LIMS1: variants seen among roughly 807,000 people sequenced by gnomAD.
LIMS1 encodes the protein LIM and senescent cell antigen-like-containing domain protein 1.
A neutral mutation model predicts 44.1 loss-of-function variants in LIMS1; 18 were observed. The ratio of observed to expected loss-of-function variants is 0.41; its 90% CI spans 0.28 to 0.61. The LOEUF (loss-of-function observed/expected upper bound fraction) is 0.61, where lower values mean the gene tolerates loss of function less well. Ranked by LOEUF, LIMS1 falls within the 20% of genes least tolerant of loss-of-function variation. The probability of loss-of-function intolerance (pLI) is 0.32; values close to 1 mark genes in which losing one functional copy is unlikely to be tolerated. For missense variants in LIMS1, 201 were observed against 422.0 expected (o/e 0.48, Z 4.59); for synonymous variants, 93 against 149.1 (o/e 0.62, Z 2.74).
chr2:108,659,819 T>C, intron 2 of LIMS1, 55 bp downstream of exon 2: 1 of 1,612,088 alleles, frequency 6.2e-7, no homozygotes, highest in Non-Finnish European at 8.5e-7. Context: ...TCCCGCTTCC[T>C]GCCCTTCTTT....
chr2:108,573,540 C>T (rs1476420877), intron 1 of LIMS1, among the ~76,000 whole-genome samples: 1 of 152,170 alleles, frequency 6.6e-6, no homozygotes, highest in African/African-American at 2.4e-5. Context: ...AGCCCCACTG[C>T]AGGGATGAAT....
intron 1 of LIMS1, among the ~76,000 whole-genome samples, chr2:108,624,660 G>A (rs1036983018): frequency 2.0e-5 from 3 of 152,208 alleles, no homozygotes; most frequent in Non-Finnish European, 4.4e-5. Flanking sequence ...TGGAGGCTGA[G>A]GCAGGAGAAT....
intron 5 of LIMS1, among the ~76,000 whole-genome samples, chr2:108,674,331 A>C (rs2149002305): frequency 6.6e-6 from 1 of 152,234 alleles, no homozygotes; most frequent in East Asian, 1.9e-4. Context: ...CTCCATCTCA[A>C]AAAATAAAAA....
chr2:108,629,898 A>G (rs892166217), intron 1 of LIMS1, among the ~76,000 whole-genome samples: 16 of 152,184 alleles, frequency 1.1e-4, no homozygotes, highest in Non-Finnish European at 1.9e-4. Flanking sequence ...TCAAGATTTG[A>G]AAACCAGGTG....
At chr2:108,629,313 G>T (rs1558817289) in intron 1 of LIMS1, among the ~76,000 whole-genome samples, 4 of 152,160 alleles carry the variant, frequency 2.6e-5, no homozygotes. Flanking sequence ...TTCCAAAAAA[G>T]TTTCTTCTCT....
intron 1 of LIMS1, among the ~76,000 whole-genome samples, chr2:108,628,617 C>A (rs916364721): frequency 6.6e-6 from 1 of 152,128 alleles, no homozygotes; most frequent in Non-Finnish European, 1.5e-5. Context: ...ACAGGCGCAC[C>A]ACCACGCCCA....
chr2:108,615,273 T>C (rs951268292), intron 1 of LIMS1, among the ~76,000 whole-genome samples: 3 of 151,964 alleles, frequency 2.0e-5, no homozygotes. Context: ...GAAAGAAAAA[T>C]TATTCTATGT....
intron 1 of LIMS1, among the ~76,000 whole-genome samples, chr2:108,627,965 G>A (rs1053794946): frequency 3.9e-5 from 6 of 152,162 alleles, no homozygotes; most frequent in East Asian, 1.9e-4. Context: ...ATTTGTTGTC[G>A]TAGATTTCTG....
intron 1 of LIMS1, among the ~76,000 whole-genome samples, chr2:108,636,998 A>G (rs1689302476): frequency 6.6e-6 from 1 of 152,166 alleles, no homozygotes; most frequent in South Asian, 2.1e-4. Flanking sequence ...AATCTAAGTT[A>G]TGGTAGCTGA....
rs76678532 is a variant in LIMS1 at position 108,554,743 on chromosome 2, G to A, written c.32+20149G>A. 9.3e-3 allele frequency among the ~76,000 whole-genome samples: 1,418 copies of A among 152,228 alleles called. 26 individuals are homozygous for A. The highest frequency in any genetic ancestry group is 0.033 in the African/African-American group (1,350 of 41,522). On this transcript the variant is annotated intron_variant, in intron 1 of 9. Coordinates refer to ENST00000544547, the Ensembl canonical transcript of LIMS1. ...GCCTGACAAAAGTACATGACATGAC[G>A]CTCTCAGGAGGCGGCCAGACACCCT...
At chr2:108,630,000 C>G (rs1305380204) in intron 1 of LIMS1, among the ~76,000 whole-genome samples, 1 of 152,158 alleles carries the variant, frequency 6.6e-6, no homozygotes. Flanking sequence ...CAAGACCAGA[C>G]TGGGCAACAT....
intron 1 of LIMS1, among the ~76,000 whole-genome samples, chr2:108,631,641 T>C (rs1299974945): frequency 6.6e-6 from 1 of 152,054 alleles, no homozygotes; most frequent in Non-Finnish European, 1.5e-5. Flanking sequence ...TCCTGATTAC[T>C]ACTTTACTTA....
chr2:108,673,737 T>A (rs1233741536), intron 5 of LIMS1: 1 of 152,192 alleles, frequency 6.6e-6, no homozygotes, highest in East Asian at 1.9e-4. Flanking sequence ...AATAATCTTA[T>A]AATATCAACT....
intron 1 of LIMS1, among the ~76,000 whole-genome samples, chr2:108,634,171 T>C (rs1012546290): frequency 3.9e-5 from 6 of 152,010 alleles, no homozygotes; most frequent in African/African-American, 1.2e-4. Context: ...CTGTGTCAGG[T>C]TGGGGTCTCC....
intron 1 of LIMS1, among the ~76,000 whole-genome samples, chr2:108,656,318 TATAGATAGATAGATAG>T (rs61527656): frequency 5.9e-5 from 5 of 84,256 alleles, no homozygotes; most frequent in Non-Finnish European, 1.4e-4. Context: ...TCTATCTATC[TATAGATAGATAGATAG>T]ATAGATAGAT....
At chr2:108,684,791 A>T (rs570604174) in exon 10 of LIMS1, 2 of 152,282 alleles carry the variant, frequency 1.3e-5, no homozygotes, top group East Asian at 3.9e-4. Context: ...AATGTTAAGC[A>T]TGTAGTCTTA....
At position 108,642,342 on chromosome 2, in the gene LIMS1, G is replaced by GTTTTTTTTTT. The variant is rs764932432; in HGVS notation, c.33-17257_33-17248dup. ...TAATTTTAAGCTACTAGTGTTTTTT[G>GTTTTTTTTTT]TTTTTTTTTTTTTTTGTTTTTTGTT... On this transcript the variant is annotated intron_variant, in intron 1 of 9. Transcript: ENST00000544547. Among the ~76,000 whole-genome samples the GTTTTTTTTTT allele has an allele frequency of 2.7e-3, 40 of 14,970 alleles. 1 individual carries two copies. The highest frequency in any genetic ancestry group is 5.0e-3 in the African/African-American group (37 of 7,380). 9.8% of individuals were successfully genotyped at this position (14,970 alleles called of 152,430 possible).
At chr2:108,556,303 C>T (rs893922543) in intron 1 of LIMS1, among the ~76,000 whole-genome samples, 2 of 152,074 alleles carry the variant, frequency 1.3e-5, no homozygotes, top group African/African-American at 4.8e-5. Flanking sequence ...GAATAATATT[C>T]CATTGTATGT....
chr2:108,616,718 A>G (rs752716967), intron 1 of LIMS1, among the ~76,000 whole-genome samples: 1 of 152,068 alleles, frequency 6.6e-6, no homozygotes, highest in Admixed American at 6.6e-5. Flanking sequence ...TCTCTGCTCC[A>G]GTTAGCTTGA....
Sources: gnomAD v4.1 joint callset for allele counts (sites outside exome capture counted in the v4.1 genomes callset) on GRCh38, gnomAD v4.1.1 for gene constraint, MANE v1.5 for transcripts, NCBI Gene and HGNC (gene_info 2026-07-23, HGNC 2026-07-21) for gene names.